The following MCUR1 variants were observed in gnomAD, a reference collection of about 807,000 sequenced individuals.
The protein encoded by MCUR1 is MCU regulator 1.
Under a neutral mutation model 42.0 loss-of-function variants are expected in MCUR1, and 37 were observed. That is an observed-to-expected ratio of 0.88 (90% CI 0.68 to 1.16). MCUR1 has a LOEUF of 1.16. MCUR1 is among the 50% of genes most tolerant of loss of function. The pLI is 0.00. For missense variants in MCUR1, 469 were observed against 468.4 expected (o/e 1.00, Z -0.01); for synonymous variants, 229 against 196.2 (o/e 1.17, Z -1.40).
chr6:13,795,953 T>C (rs1759844498), intron 6 of MCUR1, among the ~76,000 whole-genome samples: 2 of 152,318 alleles, frequency 1.3e-5, no homozygotes, highest in Admixed American at 6.5e-5. Flanking sequence ...TGTTCAAATA[T>C]ACCACAGACA....
intron 4 of MCUR1, among the ~76,000 whole-genome samples, chr6:13,800,700 G>A (rs1031229416): frequency 5.9e-5 from 9 of 152,160 alleles, no homozygotes; most frequent in African/African-American, 2.2e-4. Flanking sequence ...AACCTAGAGA[G>A]TCTGAAACTT....
intron 6 of MCUR1, among the ~76,000 whole-genome samples, chr6:13,794,563 C>T (rs1321313576): frequency 1.3e-5 from 2 of 151,316 alleles, no homozygotes; most frequent in African/African-American, 2.4e-5. Context: ...GATTATTATT[C>T]TATGACAAAG....
At position 13,790,751 on chromosome 6, in the gene MCUR1, C is replaced by A; in HGVS notation, c.*58G>T. The A allele has an allele frequency of 2.1e-6, 3 of 1,419,852 alleles. No homozygotes were observed. The highest frequency in any genetic ancestry group is 3.0e-6 in the Non-Finnish European group (3 of 1,014,114). 88.0% of individuals were successfully genotyped at this position (1,419,852 alleles called of 1,614,324 possible). ...TACAGGTGTGAGCCACCGCACCCAGCCAACAATCTGGTATTCTTAAGGCAA... is the reference window on the plus strand; with the variant it reads ...TACAGGTGTGAGCCACCGCACCCAGACAACAATCTGGTATTCTTAAGGCAA... On this transcript the variant is annotated 3_prime_UTR_variant, in exon 9 of 9. Transcript: ENST00000379170.
intron 6 of MCUR1, among the ~76,000 whole-genome samples, chr6:13,796,097 A>G (rs1168034195): frequency 6.6e-6 from 1 of 152,214 alleles, no homozygotes; most frequent in Non-Finnish European, 1.5e-5. Context: ...AATCATATTT[A>G]TCAGCATATT....
chr6:13,794,008 G>A, intron 6 of MCUR1, 61 bp from the exon 7 acceptor site: 1 of 1,506,344 alleles, frequency 6.6e-7, no homozygotes, highest in African/African-American at 1.4e-5. Context: ...CTCCTTCTCT[G>A]GTGCCTTAAA....
intron 8 of MCUR1, among the ~76,000 whole-genome samples, chr6:13,791,478 A>G (rs1759727033): frequency 6.6e-6 from 1 of 152,126 alleles, no homozygotes; most frequent in East Asian, 1.9e-4. Flanking sequence ...TCTCTTTTGG[A>G]TCAAAAATCG....
chr6:13,789,046 G>GA lies in MCUR1; in HGVS notation c.*1762dup, dbSNP rs1411974667. ...TTCCTTCACTGTATGTGTGTGCAGA[G>GA]AAAGGCAGAAAAGCTTCTATCCATG... On this transcript the variant is annotated 3_prime_UTR_variant, in exon 9 of 9. Transcript: ENST00000379170. The GA allele has an allele frequency of 2.6e-5, 4 of 152,232 alleles. No individual in the cohort carries two copies. The highest frequency in any genetic ancestry group is 7.2e-5 in the African/African-American group (3 of 41,458). The allele number at this position is 152,232 out of a possible 1,614,324, so 9.4% of individuals were successfully genotyped here.
At chr6:13,797,849 C>A (rs1200748254) in intron 6 of MCUR1, among the ~76,000 whole-genome samples, 3 of 151,950 alleles carry the variant, frequency 2.0e-5, no homozygotes, top group East Asian at 2.0e-4. Flanking sequence ...CATGGTGAAA[C>A]CCTGTCTCTA....
At chr6:13,790,928 T>G in intron 8 of MCUR1, 64 bp from the exon 9 acceptor site, 1 of 1,286,124 alleles carries the variant, frequency 7.8e-7, no homozygotes, top group Non-Finnish European at 1.1e-6. Flanking sequence ...GGGAACATCT[T>G]TTTTTAAGAA....
chr6:13,806,875 A>C (rs1345226975), intron 2 of MCUR1, 50 bp downstream of exon 2: 9 of 1,521,394 alleles, frequency 5.9e-6, no homozygotes, highest in Non-Finnish European at 8.0e-6. Flanking sequence ...GAGAAGTCAT[A>C]ATTTAAAGTG....
chr6:13,793,807 C>T, intron 7 of MCUR1, 87 bp downstream of exon 7: 1 of 1,161,096 alleles, frequency 8.6e-7, no homozygotes, highest in Non-Finnish European at 1.3e-6. Flanking sequence ...CTGCATGTAA[C>T]TTCCTATTAT....
chr6:13,789,232 C>G lies in MCUR1; in HGVS notation c.*1577G>C. ...CCTGGCCAACATGGTGAAACCTCAT[C>G]TCTACTAAAAATACAAAAATTAGCT... is the stretch of plus-strand genomic sequence containing the variant. On this transcript the variant is annotated 3_prime_UTR_variant, in exon 9 of 9. Coordinates refer to ENST00000379170, the MANE Select transcript of MCUR1 (RefSeq NM_001031713.4). 6.6e-6 allele frequency: 1 copy of G among 152,342 alleles called. No individual in the cohort carries two copies. Among genetic ancestry groups the G allele is most frequent in the Non-Finnish European group, 1.5e-5 (1 of 68,082 alleles). The allele number at this position is 152,342 out of a possible 1,614,324, so 9.4% of individuals were successfully genotyped here.
intron 7 of MCUR1, 122 bp downstream of exon 7, chr6:13,793,772 G>A (rs1759789392): frequency 7.5e-6 from 6 of 802,268 alleles, no homozygotes; most frequent in Non-Finnish European, 1.2e-5. Context: ...TTAGCACAAT[G>A]TAAAAAATTC....
chr6:13,791,060 T>C (rs7772078), intron 8 of MCUR1, among the ~76,000 whole-genome samples, 196 bp from the exon 9 acceptor site: 104,266 of 151,946 alleles, frequency 0.69, 36,385 homozygotes, highest in African/African-American at 0.81. Flanking sequence ...TTTAGAGACA[T>C]GGTCTCATCT....
chr6:13,802,352 C>T lies in MCUR1; in HGVS notation c.536-6G>A. 1 of 1,608,882 alleles carries T rather than the reference C, an allele frequency of 6.2e-7. No homozygotes were observed. The highest frequency in any genetic ancestry group is 8.5e-7 in the Non-Finnish European group (1 of 1,176,092). On this transcript the variant is annotated splice_region_variant and splice_polypyrimidine_tract_variant and intron_variant, in intron 2 of 8. Coordinates refer to ENST00000379170, the MANE Select transcript of MCUR1 (RefSeq NM_001031713.4). ...TGCTTGTTGAGTAGCAAACCCTAAG[C>T]AAGCACACAAGCAAAAAAAATCATG...
chr6:13,791,918 C>T lies in MCUR1; in HGVS notation c.984G>A (p.Met328Ile). Residue 328 changes from methionine to isoleucine, a missense_variant, in exon 8 of 9, where the codon ATG becomes ATA. Met to Ile is a conservative substitution (Grantham distance 10). Transcript: ENST00000379170. The stretch of plus-strand genomic sequence containing the variant: ...TATTATCAAGCTTGTGTGACTCAAG[C>T]ATGGTTTTGAGGCCAGCAACCTCAG... ...IETEVAGLKT[M>I]LESHKLDNIK... 1 of 1,613,968 alleles carries T rather than the reference C, an allele frequency of 6.2e-7. No homozygotes were observed. The highest frequency in any genetic ancestry group is 1.1e-5 in the South Asian group (1 of 91,042).
intron 2 of MCUR1, 35 bp downstream of exon 2, chr6:13,806,890 T>C: frequency 6.5e-7 from 1 of 1,542,594 alleles, no homozygotes; most frequent in East Asian, 2.3e-5. Context: ...AAAGTGTTTT[T>C]CTAAGGCACT....
intron 1 of MCUR1, among the ~76,000 whole-genome samples, chr6:13,808,543 T>C (rs1290647291): frequency 6.6e-6 from 1 of 152,270 alleles, no homozygotes; most frequent in East Asian, 1.9e-4. Flanking sequence ...TGTGCTTTTT[T>C]CTTTTGTTGC....
chr6:13,804,814 A>AAAAAAAAAAAAAAAAAAAAAG (rs1230089057), intron 2 of MCUR1, among the ~76,000 whole-genome samples: 2 of 148,802 alleles, frequency 1.3e-5, no homozygotes, highest in African/African-American at 5.0e-5. Flanking sequence ...AAAAAAAAAA[A>AAAAAAAAAAAAAAAAAAAAAG]GTGGAAGTCT....
Sources: allele counts gnomAD v4.1 joint callset (sites outside exome capture counted in the v4.1 genomes callset), GRCh38; gene constraint gnomAD v4.1.1; transcripts MANE v1.5; gene names NCBI Gene and HGNC (gene_info 2026-07-23, HGNC 2026-07-21).